PAX2: variants seen among roughly 807,000 people sequenced by gnomAD.
The protein encoded by PAX2 is paired box 2.
A neutral mutation model predicts 41.7 loss-of-function variants in PAX2; 9 were observed. That is an observed-to-expected ratio of 0.22 (90% CI 0.13 to 0.38). The LOEUF is 0.38. PAX2 is among the 10% of genes least tolerant of loss of function. The pLI is 1.00. For missense variants in PAX2, 418 were observed against 531.6 expected, an observed-to-expected ratio of 0.79 and a Z score of 2.10; for synonymous variants, 221 against 212.7, an observed-to-expected ratio of 1.04 and a Z score of -0.34.
At chr10:100,774,420 C>T (rs897070218) in intron 3 of PAX2, among the ~76,000 whole-genome samples, 3 of 152,084 alleles carry the variant, frequency 2.0e-5, no homozygotes, top group African/African-American at 7.2e-5. Context: ...GTCCAGCCCC[C>T]AGTCTGTCTG....
chr10:100,809,307 C>T (rs1847912381), intron 7 of PAX2, 71 bp downstream of exon 7: 1 of 1,450,130 alleles, frequency 6.9e-7, no homozygotes, highest in South Asian at 1.1e-5. Context: ...CCATCTGAGG[C>T]CCAGTGTGAG....
chr10:100,812,138 C>T (rs1848009774), intron 7 of PAX2, among the ~76,000 whole-genome samples: 1 of 152,202 alleles, frequency 6.6e-6, no homozygotes, highest in African/African-American at 2.4e-5. Flanking sequence ...AGGGCTCAGC[C>T]CCATAGCCTC....
intron 3 of PAX2, among the ~76,000 whole-genome samples, chr10:100,777,022 G>T (rs889586569): frequency 6.6e-6 from 1 of 152,050 alleles, no homozygotes; most frequent in African/African-American, 2.4e-5. Context: ...CTACATGTTG[G>T]GGGCAGGATG....
intron 7 of PAX2, among the ~76,000 whole-genome samples, chr10:100,814,461 T>C (rs1589892466): frequency 6.7e-6 from 1 of 148,956 alleles, no homozygotes; most frequent in Non-Finnish European, 1.5e-5. Flanking sequence ...TGTCAGATAA[T>C]GGAGATCAAA....
chr10:100,779,025 C>T (rs1306040976), intron 3 of PAX2, among the ~76,000 whole-genome samples: 1 of 152,160 alleles, frequency 6.6e-6, no homozygotes, highest in Non-Finnish European at 1.5e-5. Context: ...ATCTCATCCT[C>T]TCAACTCTGA....
chr10:100,752,119 C>G (rs1234610022), intron 3 of PAX2, among the ~76,000 whole-genome samples: 1 of 152,190 alleles, frequency 6.6e-6, no homozygotes, highest in African/African-American at 2.4e-5. Flanking sequence ...AGAAGATTCC[C>G]TCTGCCACAC....
chr10:100,774,495 G>C (rs1371426237), intron 3 of PAX2, among the ~76,000 whole-genome samples: 4 of 151,926 alleles, frequency 2.6e-5, no homozygotes, highest in Non-Finnish European at 4.4e-5. Flanking sequence ...GCTGTTTCTT[G>C]TCTTCTCAAT....
chr10:100,756,310 A>G (rs1023572217), intron 3 of PAX2, among the ~76,000 whole-genome samples: 3 of 152,184 alleles, frequency 2.0e-5, no homozygotes, highest in African/African-American at 7.2e-5. Context: ...GTGTCCAACA[A>G]TAGCTACTCT....
At chr10:100,758,522 C>T (rs1048026064) in intron 3 of PAX2, among the ~76,000 whole-genome samples, 20 of 152,336 alleles carry the variant, frequency 1.3e-4, no homozygotes, top group African/African-American at 4.8e-4. Flanking sequence ...GAAGTCCAGA[C>T]TGGGGTTTGC....
At chr10:100,754,583 C>G (rs959210176) in intron 3 of PAX2, among the ~76,000 whole-genome samples, 1 of 152,186 alleles carries the variant, frequency 6.6e-6, no homozygotes, top group Non-Finnish European at 1.5e-5. Flanking sequence ...TTTGGGTGTC[C>G]CTCTTCTGTC....
intron 3 of PAX2, among the ~76,000 whole-genome samples, chr10:100,754,833 C>A (rs1845573896): frequency 6.6e-6 from 1 of 152,176 alleles, no homozygotes; most frequent in South Asian, 2.1e-4. Flanking sequence ...GAAGCTTGGC[C>A]AGAGGGGTGG....
At chr10:100,759,470 G>A (rs1294398179) in intron 3 of PAX2, among the ~76,000 whole-genome samples, 5 of 152,172 alleles carry the variant, frequency 3.3e-5, no homozygotes, top group Non-Finnish European at 7.4e-5. Context: ...AGGGAGAGTA[G>A]GAGAGCAGCC....
At chr10:100,752,601 T>A (rs1845482076) in intron 3 of PAX2, among the ~76,000 whole-genome samples, 1 of 152,200 alleles carries the variant, frequency 6.6e-6, no homozygotes, top group Admixed American at 6.5e-5. Flanking sequence ...GACTGGGTAG[T>A]GGTCTTCTGC....
chr10:100,829,249 C>T lies in PAX2; in HGVS notation c.*1630C>T, dbSNP rs991975088. On this transcript the variant is annotated 3_prime_UTR_variant, in exon 10 of 10. Transcript: ENST00000355243. ...TCTCCCTCTGCCCCTCTCTCCTCTC[C>T]GCTTCTCTCCCCCTCTGTCTCTGTC... 6 of 231,234 alleles carry T rather than the reference C, an allele frequency of 2.6e-5. No homozygotes were observed. Among genetic ancestry groups the T allele is most frequent in the South Asian group, 1.8e-4 (1 of 5,484 alleles). 14.3% of individuals were successfully genotyped at this position (231,234 alleles called of 1,614,324 possible). A position where few individuals can be genotyped will look rare whatever the true frequency, so the allele number is the denominator to read the frequency against.
chr10:100,786,354 C>T (rs1846859670), intron 5 of PAX2, among the ~76,000 whole-genome samples: 1 of 152,254 alleles, frequency 6.6e-6, no homozygotes, highest in Admixed American at 6.5e-5. Context: ...AATAAATAAA[C>T]ATAAGATCCT....
At chr10:100,755,974 G>A (rs1321063047) in intron 3 of PAX2, among the ~76,000 whole-genome samples, 1 of 152,160 alleles carries the variant, frequency 6.6e-6, no homozygotes, top group African/African-American at 2.4e-5. Context: ...GTGCAAAATA[G>A]ACCCAGGGAA....
intron 3 of PAX2, among the ~76,000 whole-genome samples, chr10:100,775,931 C>T (rs538437455): frequency 6.6e-6 from 1 of 152,322 alleles, no homozygotes; most frequent in East Asian, 1.9e-4. Flanking sequence ...AGATAAAAGC[C>T]GTAAAAGCTC....
chr10:100,797,533 C>T (rs533293481), intron 5 of PAX2, among the ~76,000 whole-genome samples: 52 of 152,272 alleles, frequency 3.4e-4, no homozygotes, highest in African/African-American at 1.1e-3. Context: ...AGAGGAGTGC[C>T]TGATATATAC....
chr10:100,746,740 C>T (rs1321848956), intron 1 of PAX2, among the ~76,000 whole-genome samples: 2 of 152,180 alleles, frequency 1.3e-5, no homozygotes, highest in African/African-American at 4.8e-5. Context: ...CTCTGTTTGC[C>T]TCCCTCTCCT....
Sources: gnomAD v4.1 joint callset for allele counts (sites outside exome capture counted in the v4.1 genomes callset) on GRCh38, gnomAD v4.1.1 for gene constraint, MANE v1.5 for transcripts, NCBI Gene and HGNC (gene_info 2026-07-23, HGNC 2026-07-21) for gene names.